FAS: variants seen among roughly 807,000 people sequenced by gnomAD.
The protein encoded by FAS is tumor necrosis factor receptor superfamily member 6.
In FAS, 5 loss-of-function variants were observed where a neutral mutation model predicts 33.2. The observed-to-expected ratio is 0.15, with a 90% CI of 0.08 to 0.32. The LOEUF (loss-of-function observed/expected upper bound fraction) is 0.32, where lower values mean the gene tolerates loss of function less well. FAS is among the 10% of genes least tolerant of loss of function. The probability of loss-of-function intolerance (pLI) is 1.00; values close to 1 mark genes in which losing one functional copy is unlikely to be tolerated. For synonymous variants in FAS, 131 were observed against 130.7 expected (o/e 1.00, Z -0.01); for missense variants, 339 against 386.0 (o/e 0.88, Z 1.02).
chr10:88,977,257 G>C (rs954273180), intron 2 of FAS, among the ~76,000 whole-genome samples: 4 of 151,550 alleles, frequency 2.6e-5, no homozygotes, highest in African/African-American at 9.7e-5. Context: ...GTCCTGAATG[G>C]TAATGCCTAG....
rs56826535 is a variant in FAS at position 88,995,127 on chromosome 10, T to G, written c.30+4221T>G. ...ATTCATAAAAGTGGAAAAATAACAT[T>G]TAATAAATCCTCTTTATTTTCTGGA... On this transcript the variant is annotated intron_variant, in intron 1 of 8. Coordinates refer to ENST00000652046, the MANE Select transcript of FAS (RefSeq NM_000043.6). 3.4e-3 allele frequency among the ~76,000 whole-genome samples: 514 copies of G among 152,198 alleles called. 7 individuals carry two copies. Among genetic ancestry groups the G allele is most frequent in the African/African-American group, 0.011 (469 of 41,530 alleles).
chr10:88,964,434 A>G (rs897089343), intron 1 of FAS, among the ~76,000 whole-genome samples: 1 of 152,164 alleles, frequency 6.6e-6, no homozygotes, highest in African/African-American at 2.4e-5. Flanking sequence ...GGGGTGGCAA[A>G]TTGTGGGAAA....
At chr10:88,968,092 G>A (rs946230021) in intron 1 of FAS, among the ~76,000 whole-genome samples, 1 of 152,080 alleles carries the variant, frequency 6.6e-6, no homozygotes, top group African/African-American at 2.4e-5. Context: ...TTCTGCAGAA[G>A]TAAACTATTC....
In FAS at chr10:89,015,289, A is replaced by G. The variant is rs779728201; in HGVS notation, c.*839A>G. ...CCAAAAAATACTTAATAGTCCACCA[A>G]AAGGCAAGACTGCCCTTAGAAATTC... On this transcript the variant is annotated 3_prime_UTR_variant, in exon 9 of 9. Transcript: ENST00000652046. 7 of 534,812 alleles carry G rather than the reference A, an allele frequency of 1.3e-5. No homozygotes were observed. Among genetic ancestry groups the G allele is most frequent in the South Asian group, 1.1e-4 (7 of 65,166 alleles). 33.1% of individuals were successfully genotyped at this position (534,812 alleles called of 1,614,324 possible). A position where few individuals can be genotyped will look rare whatever the true frequency, so the allele number is the denominator to read the frequency against.
rs568058522 is a variant in FAS, at chr10:88,967,533, A to G, written n.95-5649A>G. On this transcript the variant is annotated intron_variant and non_coding_transcript_variant, in intron 1 of 3. Transcript: ENST00000688239. ...TTCCTCAGCACTAACCCATGCTTAC[A>G]TGCATTTTATGACAATCCACGTTAC... is the stretch of plus-strand genomic sequence containing the variant. Among the ~76,000 whole-genome samples, 7 of 152,346 alleles carry G rather than the reference A, an allele frequency of 4.6e-5. No homozygotes were observed. The South Asian group carries it at 1.0e-3, about 23-fold the overall frequency.
At position 88,991,110 on chromosome 10, in the gene FAS, C is replaced by T; in HGVS notation, c.30+204C>T. On this transcript the variant is annotated intron_variant, in intron 1 of 8. Coordinates refer to ENST00000652046, the MANE Select transcript of FAS (RefSeq NM_000043.6). The stretch of plus-strand genomic sequence containing the variant: ...CCCTCAGGCCCGGGTGCTCAGAACG[C>T]TGGAGGACTTGCTTTTCTTGGGCCT... 2.3e-5 allele frequency: 15 copies of T among 652,868 alleles called. 1 individual carries two copies. The South Asian group carries it at 2.7e-4, about 12-fold the overall frequency. 40.4% of individuals were successfully genotyped at this position (652,868 alleles called of 1,614,324 possible).
intron 6 of FAS, chr10:89,011,081 C>A: frequency 1.9e-6 from 1 of 524,524 alleles, no homozygotes; most frequent in Non-Finnish European, 3.4e-6. Flanking sequence ...GCAGAATTGG[C>A]CAAAAATCAG....
At chr10:89,013,155 C>T (rs867204421) in intron 7 of FAS, among the ~76,000 whole-genome samples, 188 bp from the exon 8 acceptor site, 3 of 152,060 alleles carry the variant, frequency 2.0e-5, no homozygotes, top group South Asian at 2.1e-4. Context: ...AAGGCCGGAA[C>T]CTTTCAGAAT....
intron 2 of FAS, among the ~76,000 whole-genome samples, chr10:88,977,350 A>G (rs1190038336): frequency 6.6e-6 from 1 of 150,936 alleles, no homozygotes; most frequent in African/African-American, 2.4e-5. Context: ...ATAAGGTGTA[A>G]GGAAGGGATC....
At chr10:88,996,470 T>C (rs1284401869) in intron 1 of FAS, among the ~76,000 whole-genome samples, 1 of 152,058 alleles carries the variant, frequency 6.6e-6, no homozygotes, top group Non-Finnish European at 1.5e-5. Context: ...TAGGGAGATA[T>C]TGGTCAAAGG....
intron 1 of FAS, 175 bp downstream of exon 1, chr10:88,991,081 C>A: frequency 2.6e-6 from 2 of 773,410 alleles, no homozygotes; most frequent in South Asian, 1.6e-5. Context: ...GCTGTTAGGA[C>A]CTTCCCTCAG....
At chr10:89,012,449 A>T (rs981790090) in intron 7 of FAS, 10 of 273,312 alleles carry the variant, frequency 3.7e-5, no homozygotes, top group African/African-American at 2.2e-4. Flanking sequence ...AAGTTCTGGG[A>T]TTATAGGTGT....
chr10:89,000,169 T>G (rs1847843841), intron 1 of FAS, among the ~76,000 whole-genome samples: 1 of 152,128 alleles, frequency 6.6e-6, no homozygotes. Context: ...GAAACAGAGG[T>G]TAATATTTGT....
chr10:88,990,573 C>T, upstream of FAS: 1 of 656,870 alleles, frequency 1.5e-6, no homozygotes, highest in Non-Finnish European at 2.8e-6. The surrounding 1 kb of genome is among the most constrained non-coding windows in gnomAD (Gnocchi z 4.9). Context: ...ATGGAGCCCT[C>T]CCCAACCCGG....
chr10:88,974,861 T>C (rs1235335801), intron 2 of FAS: 1 of 152,214 alleles, frequency 6.6e-6, no homozygotes, highest in Non-Finnish European at 1.5e-5. Context: ...GAGATCACTA[T>C]AGTACTATAT....
chr10:88,998,878 G>A (rs1039478541), intron 1 of FAS, among the ~76,000 whole-genome samples: 1 of 152,122 alleles, frequency 6.6e-6, no homozygotes, highest in Non-Finnish European at 1.5e-5. Context: ...AAATTCGGCC[G>A]GGCATGGTGG....
Position 89,008,769 on chromosome 10 carries a change from A to G in FAS, c.335-120A>G, listed in dbSNP as rs889924352. The G allele has an allele frequency of 6.7e-6, 6 of 898,846 alleles. No homozygotes were observed. In the African/African-American group the frequency reaches 9.8e-5, roughly 15 times the overall value. 55.7% of individuals were successfully genotyped at this position (898,846 alleles called of 1,614,324 possible). On this transcript the variant is annotated intron_variant, in intron 3 of 8. Coordinates refer to ENST00000652046, the MANE Select transcript of FAS (RefSeq NM_000043.6). The stretch of plus-strand genomic sequence containing the variant: ...AAACACTGACTGTATTACTGGTGTC[A>G]TGCTGTGACTGTTGATATAAGCAGT...
chr10:89,016,627 G>A lies in FAS; in HGVS notation c.*2177G>A, dbSNP rs1335114277. ...CAAGCATGACTTCTCCCATGTCAAT[G>A]AGCACAGCCACATTCCCGAGTTGAG... On this transcript the variant is annotated 3_prime_UTR_variant, in exon 9 of 9. Coordinates refer to ENST00000652046, the MANE Select transcript of FAS (RefSeq NM_000043.6). The A allele has an allele frequency of 4.5e-6, 1 of 223,992 alleles. No individual in the cohort carries two copies. Among genetic ancestry groups the A allele is most frequent in the African/African-American group, 2.2e-5 (1 of 44,720 alleles). 13.9% of individuals were successfully genotyped at this position (223,992 alleles called of 1,614,324 possible). A position where few individuals can be genotyped will look rare whatever the true frequency, so the allele number is the denominator to read the frequency against.
In FAS at chr10:89,014,677, A is replaced by T. The variant is rs1207940490; in HGVS notation, c.*227A>T. 3.0e-6 allele frequency: 2 copies of T among 673,344 alleles called. No homozygotes were observed. The highest frequency in any genetic ancestry group is 5.4e-6 in the Non-Finnish European group (2 of 368,464). The allele number at this position is 673,344 out of a possible 1,614,324, so 41.7% of individuals were successfully genotyped here. The stretch of plus-strand genomic sequence containing the variant: ...CTTCATCAAGAGTAAATGCAGTGGC[A>T]TGCTAAGTACCCAAATAGGAGTGTA... On this transcript the variant is annotated 3_prime_UTR_variant, in exon 9 of 9. Coordinates refer to ENST00000652046, the MANE Select transcript of FAS (RefSeq NM_000043.6).
Sources: gnomAD v4.1 joint callset for allele counts (sites outside exome capture counted in the v4.1 genomes callset) on GRCh38, gnomAD v4.1.1 for gene constraint, Gnocchi (gnomAD v3.1) non-coding constraint, MANE v1.5 for transcripts, NCBI Gene and HGNC (gene_info 2026-07-23, HGNC 2026-07-21) for gene names.